Variants in GNAL observed in about 807,000 individuals in gnomAD.
GNAL encodes the protein G protein subunit alpha L.
Under a neutral mutation model 55.1 loss-of-function variants are expected in GNAL, and 18 were observed. The observed-to-expected ratio is 0.33, with a 90% CI of 0.23 to 0.48. The LOEUF (loss-of-function observed/expected upper bound fraction) is 0.48, where lower values mean the gene tolerates loss of function less well. GNAL is among the 20% of genes least tolerant of loss of function. GNAL has a pLI of 0.99. For synonymous variants in GNAL, 253 were observed against 237.0 expected (o/e 1.07, Z -0.62); for missense variants, 412 against 614.1 (o/e 0.67, Z 3.48).
intron 2 of GNAL, 127 bp downstream of exon 2, chr18:11,753,052 A>C (rs1397806328): frequency 1.7e-6 from 1 of 596,092 alleles, no homozygotes; most frequent in Non-Finnish European, 3.0e-6. Context: ...GGGGGAAAAA[A>C]TTAGATATTT....
chr18:11,880,910 C>T, intron 11 of GNAL, 79 bp from the exon 12 acceptor site: 1 of 1,462,174 alleles, frequency 6.8e-7, no homozygotes, highest in Non-Finnish European at 9.4e-7. Context: ...GCCTCCAGCA[C>T]CTGCTCAGCG....
intron 1 of GNAL, among the ~76,000 whole-genome samples, chr18:11,720,995 G>A (rs892925002): frequency 6.6e-6 from 1 of 152,150 alleles, no homozygotes; most frequent in African/African-American, 2.4e-5. Flanking sequence ...CAGGTCTTCA[G>A]CAAAAGCCAA....
chr18:11,811,397 T>G (rs1476157214), intron 4 of GNAL: 2 of 152,986 alleles, frequency 1.3e-5, no homozygotes, highest in African/African-American at 4.8e-5. Context: ...CCTTCCCCTG[T>G]GAGCTGTGAA....
At chr18:11,790,157 T>A (rs2034187761) in intron 4 of GNAL, among the ~76,000 whole-genome samples, 1 of 152,184 alleles carries the variant, frequency 6.6e-6, no homozygotes, top group Admixed American at 6.5e-5. Flanking sequence ...TAATTTGAAG[T>A]TTACCTCCTC....
chr18:11,882,469 C>A lies in GNAL; in HGVS notation c.*1334C>A, dbSNP rs1291674291. ...TTGGGAGGCCGAGGCAGGCGGATCA[C>A]GAGGCCAGGAGATCAAGACCATCCT... On this transcript the variant is annotated 3_prime_UTR_variant, in exon 12 of 12. Coordinates refer to ENST00000334049, the MANE Select transcript of GNAL (RefSeq NM_182978.4). The A allele has an allele frequency of 6.6e-6, 1 of 152,166 alleles. No homozygotes were observed. Among genetic ancestry groups the A allele is most frequent in the African/African-American group, 2.4e-5 (1 of 41,424 alleles). The allele number at this position is 152,166 out of a possible 1,614,324, so 9.4% of individuals were successfully genotyped here.
intron 4 of GNAL, among the ~76,000 whole-genome samples, chr18:11,768,843 G>C (rs1190711662): frequency 6.9e-5 from 10 of 144,440 alleles, no homozygotes; most frequent in African/African-American, 2.3e-4. Context: ...GCAGTGAGCC[G>C]AGATCACGCC....
chr18:11,689,379 C>G lies in GNAL; in HGVS notation c.-185C>G. On this transcript the variant is annotated 5_prime_UTR_variant, in exon 1 of 12. Coordinates refer to ENST00000334049, the MANE Select transcript of GNAL (RefSeq NM_182978.4). ...TCTGGGGCAGTGAGGGGCTGTGGCC[C>G]TCGGCCCCGGCCTGCCGCACCCCCT... 1 of 353,970 alleles carries G rather than the reference C, an allele frequency of 2.8e-6. No homozygotes were observed. The highest frequency in any genetic ancestry group is 5.1e-6 in the Non-Finnish European group (1 of 197,872). The allele number at this position is 353,970 out of a possible 1,614,324, so 21.9% of individuals were successfully genotyped here.
intron 5 of GNAL, among the ~76,000 whole-genome samples, chr18:11,826,078 A>G (rs1190009856): frequency 1.3e-5 from 2 of 152,176 alleles, no homozygotes; most frequent in African/African-American, 4.8e-5. Flanking sequence ...CAATCAGTGG[A>G]GCTGCATTGT....
chr18:11,753,711 T>C (rs1417488024), intron 3 of GNAL, 29 bp downstream of exon 3: 1 of 1,517,396 alleles, frequency 6.6e-7, no homozygotes, highest in Admixed American at 1.7e-5. Context: ...GATTGTTTAC[T>C]AGAAAGGTCA....
intron 1 of GNAL, among the ~76,000 whole-genome samples, chr18:11,735,468 G>A (rs1404583138): frequency 6.6e-6 from 1 of 152,170 alleles, no homozygotes; most frequent in African/African-American, 2.4e-5. Context: ...TAAAAAGAAT[G>A]TGACCAGGTG....
chr18:11,855,626 G>A (rs1269931367), intron 5 of GNAL, among the ~76,000 whole-genome samples: 1 of 152,102 alleles, frequency 6.6e-6, no homozygotes. Flanking sequence ...TTTAAATACA[G>A]GCAGACCATG....
chr18:11,729,655 T>C (rs962566891), intron 1 of GNAL, among the ~76,000 whole-genome samples: 7 of 152,356 alleles, frequency 4.6e-5, no homozygotes, highest in African/African-American at 1.2e-4. Context: ...ATATCCATTC[T>C]GATTCATTTC....
At chr18:11,791,928 C>G (rs754388087) in intron 4 of GNAL, among the ~76,000 whole-genome samples, 2 of 152,202 alleles carry the variant, frequency 1.3e-5, no homozygotes, top group Non-Finnish European at 2.9e-5. Context: ...ACAGGTGTCT[C>G]CTGCACAGTT....
chr18:11,704,239 A>G (rs2031651225), intron 1 of GNAL, among the ~76,000 whole-genome samples: 1 of 152,212 alleles, frequency 6.6e-6, no homozygotes, highest in Admixed American at 6.5e-5. Context: ...ACCACGGAAC[A>G]CATCGTGGAT....
chr18:11,800,931 T>C (rs2143504176), intron 4 of GNAL, among the ~76,000 whole-genome samples: 1 of 152,320 alleles, frequency 6.6e-6, no homozygotes, highest in Admixed American at 6.5e-5. Flanking sequence ...CAACTCCCAC[T>C]TGCAGACACA....
intron 4 of GNAL, among the ~76,000 whole-genome samples, chr18:11,791,313 C>G (rs2034228955): frequency 6.6e-6 from 1 of 152,152 alleles, no homozygotes; most frequent in Non-Finnish European, 1.5e-5. Context: ...TGTTGCCAGC[C>G]ACAGGAATGG....
intron 1 of GNAL, among the ~76,000 whole-genome samples, chr18:11,691,725 C>A (rs2031253514): frequency 6.6e-6 from 1 of 152,140 alleles, no homozygotes; most frequent in South Asian, 2.1e-4. Context: ...GGAATCCTTT[C>A]CCCATTGCTT....
chr18:11,764,766 C>A (rs7233070), intron 4 of GNAL, among the ~76,000 whole-genome samples: 4,452 of 151,352 alleles, frequency 0.029, 77 homozygotes, highest in Middle Eastern at 0.044. Flanking sequence ...CAGAGTGAGA[C>A]CCTGTCTCAA....
rs147959972 is a variant in GNAL at position 11,847,470 on chromosome 18, G to A, written c.723-14925G>A. 3.3e-3 allele frequency among the ~76,000 whole-genome samples: 497 copies of A among 149,062 alleles called. 4 individuals carry two copies. Among genetic ancestry groups the A allele is most frequent in the African/African-American group, 0.012 (476 of 40,348 alleles). On this transcript the variant is annotated intron_variant, in intron 5 of 11. Transcript: ENST00000334049. Reference sequence around the variant, plus strand: ...CCAGTGAAGTAAAACTGAATGTCCTGCTTAAATATTTTCATTTTAACCACT... The same window carrying A: ...CCAGTGAAGTAAAACTGAATGTCCTACTTAAATATTTTCATTTTAACCACT...
Sources: allele counts gnomAD v4.1 joint callset (sites outside exome capture counted in the v4.1 genomes callset), GRCh38; gene constraint gnomAD v4.1.1; transcripts MANE v1.5; gene names NCBI Gene and HGNC (gene_info 2026-07-23, HGNC 2026-07-21).